The following PLXNB1 variants were observed in gnomAD, a reference collection of about 807,000 sequenced individuals.
The protein encoded by PLXNB1 is plexin-B1.
PLXNB1 carries 106 observed loss-of-function variants against 209.4 expected under a neutral mutation model. The observed-to-expected ratio is 0.51, with a 90% CI of 0.43 to 0.59. PLXNB1 has a LOEUF of 0.59. Ranked by LOEUF, PLXNB1 falls within the 20% of genes least tolerant of loss-of-function variation. The pLI is 0.00. For missense variants in PLXNB1, 2,357 were observed against 2,853.2 expected (o/e 0.83, Z 3.96); for synonymous variants, 1,167 against 1,183.2 (o/e 0.99, Z 0.28).
chr3:48,420,132 T>C lies in PLXNB1; in HGVS notation c.2154A>G (p.Thr718=). ...TLPVEPGAPS[T]ATASDISPGA... is the part of the protein sequence containing the mutation. ...CAGGTGAGATGTCCGAAGCTGTGGC[T>C]GTGGAGGGAGCCCCAGGCTCCACGG... The change falls in exon 11 of 38, where the codon ACA becomes ACG. Residue 718 remains threonine (T), a synonymous_variant. Transcript: ENST00000296440. The C allele has an allele frequency of 1.9e-6, 3 of 1,596,554 alleles. No individual in the cohort carries two copies. The highest frequency in any genetic ancestry group is 2.6e-6 in the Non-Finnish European group (3 of 1,172,166).
Position 48,412,261 on chromosome 3 carries a change from T to A in PLXNB1, c.5077A>T (p.Ile1693Phe). The A allele has an allele frequency of 1.9e-6, 3 of 1,614,086 alleles. No individual in the cohort carries two copies. Among genetic ancestry groups the A allele is most frequent in the South Asian group, 1.1e-5 (1 of 91,078 alleles). The change falls in exon 27 of 38, where the codon ATC becomes TTC. Residue 1693 changes from isoleucine to phenylalanine, a missense_variant. By Grantham distance (21) the Ile-to-Phe change is conservative (BLOSUM62 0). Coordinates refer to ENST00000296440, the MANE Select transcript of PLXNB1 (RefSeq NM_001130082.3). Reference sequence around the variant, plus strand: ...ACCCTCACGAAGGTATACAGACAGATGGACATCCAGTTGGTGAGCAGCTTC... The same window carrying A: ...ACCCTCACGAAGGTATACAGACAGAAGGACATCCAGTTGGTGAGCAGCTTC... ...VEKLLTNWMSICLYTFVRDSV... is the reference protein window; with the variant it reads ...VEKLLTNWMSFCLYTFVRDSV...
In PLXNB1 at chr3:48,416,274, C is replaced by T; in HGVS notation, c.3480+72G>A. On this transcript the variant is annotated intron_variant, in intron 17 of 37. Transcript: ENST00000296440. This position sits in a 1 kb window ranked among gnomAD's most constrained non-coding sequence, Gnocchi z 4.1. ...GACTGGGAGCCCCACCAAGGAATAA[C>T]CAGATGGGTTGAGAGGAGCCACCAG... 1 of 1,558,832 alleles carries T rather than the reference C, an allele frequency of 6.4e-7. No individual in the cohort carries two copies. The highest frequency in any genetic ancestry group is 8.8e-7 in the Non-Finnish European group (1 of 1,137,520).
rs1575392582 is a variant in PLXNB1 at position 48,415,327 on chromosome 3, A to G, written c.3815T>C (p.Val1272Ala). Residue 1272 changes from valine to alanine, a missense_variant, in exon 20 of 38, where the codon GTC (valine) becomes GCC (alanine). By Grantham distance (64) the Val-to-Ala change is moderately conservative. Transcript: ENST00000296440. The surrounding 1 kb of genome is among the most constrained non-coding windows in gnomAD (Gnocchi z 5.0). Reference sequence around the variant, plus strand: ...TACCACGTCCAGATTCTGGCCACGGACGCATATCTCACGTCCTCCACTGAA... The same window carrying G: ...TACCACGTCCAGATTCTGGCCACGGGCGCATATCTCACGTCCTCCACTGAA... ...SFLSGGREIC[V>A]RGQNLDVVQT... is the part of the protein sequence containing the mutation. 1 of 1,613,506 alleles carries G rather than the reference A, an allele frequency of 6.2e-7. No homozygotes were observed. The highest frequency in any genetic ancestry group is 8.5e-7 in the Non-Finnish European group (1 of 1,179,976).
In PLXNB1 at chr3:48,421,826, T is replaced by C; in HGVS notation, c.1521-20A>G. 1 of 1,590,312 alleles carries C rather than the reference T, an allele frequency of 6.3e-7. No homozygotes were observed. The highest frequency in any genetic ancestry group is 8.6e-7 in the Non-Finnish European group (1 of 1,162,760). On this transcript the variant is annotated intron_variant, in intron 6 of 37. Transcript: ENST00000296440. ...CTGCACCTGGGCGAGATGACCAGTG[T>C]CTATCTGTGACCCTCATGGGCCACT...
At position 48,418,108 on chromosome 3, in the gene PLXNB1, A is replaced by G; in HGVS notation, c.3223-46T>C. ...CTCACCTCTACTCAACTGGAAAGGC[A>G]GCCCCAACCTCCCACCTTTGGGCCC... On this transcript the variant is annotated intron_variant, in intron 15 of 37. Coordinates refer to ENST00000296440, the MANE Select transcript of PLXNB1 (RefSeq NM_001130082.3). This position sits in a 1 kb window ranked among gnomAD's most constrained non-coding sequence, Gnocchi z 6.6. 6.2e-7 allele frequency: 1 copy of G among 1,607,474 alleles called. No homozygotes were observed. The highest frequency in any genetic ancestry group is 8.5e-7 in the Non-Finnish European group (1 of 1,175,656).
rs535063421 is a variant in PLXNB1, at chr3:48,406,165, G to A, written c.6229-367C>T. ...CCAAGTGGCACAGATGCCACTTGCAGGCTGACAGCCCAGCATGATTCTGCT... is the reference window on the plus strand; with the variant it reads ...CCAAGTGGCACAGATGCCACTTGCAAGCTGACAGCCCAGCATGATTCTGCT... On this transcript the variant is annotated intron_variant, in intron 36 of 37. Transcript: ENST00000296440. The surrounding 1 kb of genome is among the most constrained non-coding windows in gnomAD (Gnocchi z 4.4). The A allele has an allele frequency of 1.9e-4, 44 of 236,954 alleles. No homozygotes were observed. The highest frequency in any genetic ancestry group is 8.4e-4 in the African/African-American group (37 of 44,172). 14.7% of individuals were successfully genotyped at this position (236,954 alleles called of 1,614,324 possible). A position where few individuals can be genotyped will look rare whatever the true frequency, so the allele number is the denominator to read the frequency against.
rs898240195 is a variant in PLXNB1 at position 48,410,979 on chromosome 3, C to G, written c.5305G>C (p.Val1769Leu). ...PGAGEAQGVP[V>L]KVLDCDTISQ... ...ATGGTGTCACAGTCTAGGACCTTCA[C>G]GGGCACGCCCTGGGCCTCTCCTGCC... The change falls in exon 29 of 38, where the codon GTG (valine) becomes CTG (leucine). Residue 1769 changes from valine (V) to leucine (L), a missense_variant. By Grantham distance (32) the Val-to-Leu change is conservative (BLOSUM62 1). This residue lies in a region of PLXNB1 where 414 missense variants were observed against 520.5 expected (regional missense o/e 0.80). Coordinates refer to ENST00000296440, the MANE Select transcript of PLXNB1 (RefSeq NM_001130082.3). This position sits in a 1 kb window ranked among gnomAD's most constrained non-coding sequence, Gnocchi z 6.4. 5 of 1,613,722 alleles carry G rather than the reference C, an allele frequency of 3.1e-6. No individual in the cohort carries two copies. Among genetic ancestry groups the G allele is most frequent in the Non-Finnish European group, 4.2e-6 (5 of 1,179,958 alleles).
In PLXNB1 at chr3:48,422,141, C is replaced by G. The variant is rs1303732442; in HGVS notation, c.1484G>C (p.Arg495Thr). ...HLDCASCLAH[R>T]DPYCGWCVLL... is the part of the protein sequence containing the mutation. ...CACGCACCACCCACAGTATGGGTCC[C>G]TGTGAGCAAGGCAAGATGCACAGTC... The change falls in exon 6 of 38, where the codon AGG (arginine) becomes ACG (threonine). Residue 495 changes from arginine to threonine, a missense_variant. Arg to Thr is a moderately conservative substitution (Grantham distance 71, BLOSUM62 -1). Coordinates refer to ENST00000296440, the MANE Select transcript of PLXNB1 (RefSeq NM_001130082.3). The G allele has an allele frequency of 1.9e-6, 3 of 1,614,050 alleles. No individual in the cohort carries two copies. In the South Asian group the frequency reaches 3.3e-5, roughly 18 times the overall value.
At chr3:48,407,155 ATCAAGTGTCCTGGGTTT>A in intron 34 of PLXNB1, 64 bp from the exon 35 acceptor site, 1 of 1,449,466 alleles carries the variant, frequency 6.9e-7, no homozygotes, top group East Asian at 2.3e-5. Context: ...TGTTCGAGTG[ATCAAGTGTCCTGGGTTT>A]CCCAGTACTG....
chr3:48,409,940 G>A lies in PLXNB1; in HGVS notation c.5743C>T (p.Pro1915Ser), dbSNP rs1304968892. Residue 1915 changes from proline to serine, a missense_variant, in exon 32 of 38, where the codon CCT (proline) becomes TCT (serine). Coordinates refer to ENST00000296440, the MANE Select transcript of PLXNB1 (RefSeq NM_001130082.3). The surrounding 1 kb of genome is among the most constrained non-coding windows in gnomAD (Gnocchi z 5.8). ...AGCAGGCGGGTCAGGTAGATCTCAG[G>A]GATGGCCTTGGCGCGCTCACGCTCC... ...GGERERAKAI[P>S]EIYLTRLLSM... 2 of 1,611,318 alleles carry A rather than the reference G, an allele frequency of 1.2e-6. No homozygotes were observed. The highest frequency in any genetic ancestry group is 1.3e-5 in the African/African-American group (1 of 74,804).
At position 48,419,889 on chromosome 3, in the gene PLXNB1, T is replaced by C; in HGVS notation, c.2397A>G (p.Ala799=). 6.4e-7 allele frequency: 1 copy of C among 1,564,836 alleles called. No homozygotes were observed. Among genetic ancestry groups the C allele is most frequent in the Non-Finnish European group, 8.7e-7 (1 of 1,153,186 alleles). The change falls in exon 11 of 38, where the codon GCA becomes GCG. Residue 799 remains alanine (A), a synonymous_variant. Transcript: ENST00000296440. This position sits in a 1 kb window ranked among gnomAD's most constrained non-coding sequence, Gnocchi z 5.7. The stretch of plus-strand genomic sequence containing the variant: ...CGGGGCCAGGGTCTGCAGGGGGCAC[T>C]GCTGCTACCTCTGAGGGTGACAGCG... ...ASPLSPSEVA[A]VPPADPGPEA...
rs2037654502 is a variant in PLXNB1, at chr3:48,411,114, C to T, written c.5248-78G>A. 5 of 1,323,686 alleles carry T rather than the reference C, an allele frequency of 3.8e-6. No homozygotes were observed. The highest frequency in any genetic ancestry group is 1.5e-5 in the African/African-American group (1 of 68,164). The allele number at this position is 1,323,686 out of a possible 1,614,324, so 82.0% of individuals were successfully genotyped here. A position where few individuals can be genotyped will look rare whatever the true frequency, so the allele number is the denominator to read the frequency against. On this transcript the variant is annotated intron_variant, in intron 28 of 37. Coordinates refer to ENST00000296440, the MANE Select transcript of PLXNB1 (RefSeq NM_001130082.3). The surrounding 1 kb of genome is among the most constrained non-coding windows in gnomAD (Gnocchi z 4.0). Reference sequence around the variant, plus strand: ...AGACACAGGCCAAGGGCAGAGACAACTCATGAGAAACTGCTGCCTCCAATC... The same window carrying T: ...AGACACAGGCCAAGGGCAGAGACAATTCATGAGAAACTGCTGCCTCCAATC...
In PLXNB1 at chr3:48,410,201, T is replaced by C. The variant is rs2037581594; in HGVS notation, c.5605+95A>G. The C allele has an allele frequency of 2.8e-6, 4 of 1,449,426 alleles. No homozygotes were observed. Among genetic ancestry groups the C allele is most frequent in the African/African-American group, 1.4e-5 (1 of 70,790 alleles). The allele number at this position is 1,449,426 out of a possible 1,614,324, so 89.8% of individuals were successfully genotyped here. On this transcript the variant is annotated intron_variant, in intron 31 of 37. Transcript: ENST00000296440. This position sits in a 1 kb window ranked among gnomAD's most constrained non-coding sequence, Gnocchi z 6.4. Reference sequence around the variant, plus strand: ...AGGGATTTCCTGGGCCGAATGGAAATAGGCACAAGCCTGCCCTGAGGCCCA... The same window carrying C: ...AGGGATTTCCTGGGCCGAATGGAAACAGGCACAAGCCTGCCCTGAGGCCCA...
Position 48,410,693 on chromosome 3 carries a change from C to A in PLXNB1, c.5417-135G>T. 1 of 936,484 alleles carries A rather than the reference C, an allele frequency of 1.1e-6. No individual in the cohort carries two copies. The highest frequency in any genetic ancestry group is 1.6e-6 in the Non-Finnish European group (1 of 614,024). The allele number at this position is 936,484 out of a possible 1,614,324, so 58.0% of individuals were successfully genotyped here. ...ACTCAACCTCTCCAAAGACCAAGAG[C>A]AGGGACCCCCTCCCCAGATGAGAGG... On this transcript the variant is annotated intron_variant, in intron 29 of 37. Coordinates refer to ENST00000296440, the MANE Select transcript of PLXNB1 (RefSeq NM_001130082.3). The surrounding 1 kb of genome is among the most constrained non-coding windows in gnomAD (Gnocchi z 6.4).
chr3:48,425,013 T>C (rs1338227944), intron 2 of PLXNB1, among the ~76,000 whole-genome samples: 1 of 152,030 alleles, frequency 6.6e-6, no homozygotes, highest in Non-Finnish European at 1.5e-5. Context: ...AGGCTCTACA[T>C]GGATGAGGGT....
chr3:48,421,376 T>C lies in PLXNB1; in HGVS notation c.1662A>G (p.Leu554=), dbSNP rs753991252. The C allele has an allele frequency of 5.2e-6, 8 of 1,529,684 alleles. No homozygotes were observed. The highest frequency in any genetic ancestry group is 7.0e-6 in the Non-Finnish European group (8 of 1,136,474). 94.8% of individuals were successfully genotyped at this position (1,529,684 alleles called of 1,614,324 possible). Residue 554 remains leucine (L), a synonymous_variant, in exon 8 of 38, where the codon CTA becomes CTG. Coordinates refer to ENST00000296440, the MANE Select transcript of PLXNB1 (RefSeq NM_001130082.3). ...ACAGGGGTGGCAGGTCTGGCACTGA[T>C]AGGAAAACCTGCCAAGAGAGCCAGG... ...ISREETREVF[L]SVPDLPPLWP... is the part of the protein sequence containing the mutation.
At chr3:48,427,546 TCCC>T (rs2038956619) in intron 1 of PLXNB1, among the ~76,000 whole-genome samples, 1 of 151,290 alleles carries the variant, frequency 6.6e-6, no homozygotes, top group Non-Finnish European at 1.5e-5. Flanking sequence ...AGTACACCCC[TCCC>T]CCAAGAGCCT....
At chr3:48,428,744 G>A (rs1342965205) in intron 1 of PLXNB1, among the ~76,000 whole-genome samples, 1 of 152,066 alleles carries the variant, frequency 6.6e-6, no homozygotes, top group Non-Finnish European at 1.5e-5. Flanking sequence ...CCATTTACCA[G>A]GCACCTGCGA....
At position 48,406,503 on chromosome 3, in the gene PLXNB1, A is replaced by C; in HGVS notation, c.6228+320T>G. Reference sequence around the variant, plus strand: ...AAGGGGACACCTGTGCCACCAAGGGAAGCACAGCAGTGGGAAGACGCATGC... The same window carrying C: ...AAGGGGACACCTGTGCCACCAAGGGCAGCACAGCAGTGGGAAGACGCATGC... On this transcript the variant is annotated intron_variant, in intron 36 of 37. Coordinates refer to ENST00000296440, the MANE Select transcript of PLXNB1 (RefSeq NM_001130082.3). The surrounding 1 kb of genome is among the most constrained non-coding windows in gnomAD (Gnocchi z 4.4). 1 of 855,676 alleles carries C rather than the reference A, an allele frequency of 1.2e-6. No homozygotes were observed. Among genetic ancestry groups the C allele is most frequent in the Non-Finnish European group, 1.4e-6 (1 of 711,492 alleles). 53.0% of individuals were successfully genotyped at this position (855,676 alleles called of 1,614,324 possible).
Sources: gnomAD v4.1 joint callset for allele counts (sites outside exome capture counted in the v4.1 genomes callset) on GRCh38, gnomAD v4.1.1 for gene constraint, gnomAD v4.1.1 regional missense constraint, Gnocchi (gnomAD v3.1) non-coding constraint, MANE v1.5 for transcripts, NCBI Gene and HGNC (gene_info 2026-07-23, HGNC 2026-07-21) for gene names.